TACC2: variants seen among roughly 807,000 people sequenced by gnomAD.
The protein encoded by TACC2 is transforming acidic coiled-coil-containing protein 2.
TACC2 carries 137 observed loss-of-function variants against 227.3 expected under a neutral mutation model. That is an observed-to-expected ratio of 0.60 (90% CI 0.52 to 0.69). The LOEUF (loss-of-function observed/expected upper bound fraction) is 0.69. TACC2 is among the 30% of genes least tolerant of loss of function. The pLI is 0.00. For missense variants in TACC2, 3,470 were observed against 3,694.4 expected, an observed-to-expected ratio of 0.94 and a Z score of 1.57; for synonymous variants, 1,523 against 1,487.5, an observed-to-expected ratio of 1.02 and a Z score of -0.55.
chr10:122,083,709 G>T lies in TACC2; in HGVS notation c.1209G>T (p.Val403=). ...GCCAGCCCGAAGGGGGTTTGCCTGT[G>T]AGCCCTGAACCTTCCCTGCTCACTC... ...AGGQPEGGLP[V]SPEPSLLTPT... is the part of the protein sequence containing the mutation. The change falls in exon 4 of 23, where the codon GTG becomes GTT. Residue 403 remains valine, a synonymous_variant. Coordinates refer to ENST00000369005, the MANE Select transcript of TACC2 (RefSeq NM_206862.4). 1 of 1,613,626 alleles carries T rather than the reference G, an allele frequency of 6.2e-7. No individual in the cohort carries two copies. Among genetic ancestry groups the T allele is most frequent in the Non-Finnish European group, 8.5e-7 (1 of 1,180,040 alleles).
At chr10:122,250,128 G>A (rs2096223842) in intron 22 of TACC2, among the ~76,000 whole-genome samples, 2 of 152,184 alleles carry the variant, frequency 1.3e-5, no homozygotes, top group Admixed American at 6.5e-5. Context: ...TCTTCCCGAG[G>A]ACACTGAGCT....
intron 2 of TACC2, among the ~76,000 whole-genome samples, chr10:122,044,671 AG>A (rs1316734903): frequency 7.0e-6 from 1 of 143,288 alleles, no homozygotes; most frequent in African/African-American, 2.6e-5. Flanking sequence ...AGCGTTTAAG[AG>A]GTAAGTGGAA....
chr10:122,024,925 C>T (rs1035057847), intron 2 of TACC2, among the ~76,000 whole-genome samples: 32 of 152,146 alleles, frequency 2.1e-4, no homozygotes, highest in African/African-American at 4.8e-5. Context: ...CTAAGATAAA[C>T]GCCCAAGTGT....
intron 1 of TACC2, among the ~76,000 whole-genome samples, chr10:121,996,309 A>ACCTC (rs2134935897): frequency 6.6e-6 from 1 of 151,024 alleles, no homozygotes; most frequent in South Asian, 2.1e-4. Context: ...TCCTGCCTCG[A>ACCTC]CCTCCCACAG....
At chr10:122,069,619 C>T (rs1381697594) in intron 3 of TACC2, among the ~76,000 whole-genome samples, 1 of 152,124 alleles carries the variant, frequency 6.6e-6, no homozygotes, top group Non-Finnish European at 1.5e-5. Flanking sequence ...CTCCATTAGC[C>T]CAACCCTTCT....
At chr10:122,231,219 C>T (rs1197150524) in intron 16 of TACC2, among the ~76,000 whole-genome samples, 1 of 152,162 alleles carries the variant, frequency 6.6e-6, no homozygotes, top group Non-Finnish European at 1.5e-5. Flanking sequence ...GAATGAGTTG[C>T]TGATGACGTG....
intron 7 of TACC2, chr10:122,163,923 G>A: frequency 6.4e-7 from 1 of 1,574,560 alleles, no homozygotes; most frequent in Non-Finnish European, 8.6e-7. Context: ...GGCACAGCGA[G>A]GATGGGAGGG....
At chr10:122,229,212 C>A (rs1035706160) in intron 14 of TACC2, 134 bp from the exon 15 acceptor site, 10 of 948,816 alleles carry the variant, frequency 1.1e-5, no homozygotes, top group Non-Finnish European at 1.6e-5. Flanking sequence ...CAAGTAATGG[C>A]AGCTAATTGA....
intron 3 of TACC2, among the ~76,000 whole-genome samples, chr10:122,075,197 A>AG (rs1274010271): frequency 1.7e-4 from 20 of 115,386 alleles, no homozygotes; most frequent in African/African-American, 4.9e-4. Flanking sequence ...CCAAAAAAAA[A>AG]AAAAAAGAAA....
chr10:122,059,843 G>A (rs905756001), intron 3 of TACC2, among the ~76,000 whole-genome samples: 1 of 152,152 alleles, frequency 6.6e-6, no homozygotes, highest in Non-Finnish European at 1.5e-5. Flanking sequence ...TGGGGTTCTG[G>A]CCCAGTGGTC....
chr10:122,087,672 G>C lies in TACC2; in HGVS notation c.5172G>C (p.Leu1724=), dbSNP rs754253084. 1.2e-6 allele frequency: 2 copies of C among 1,613,232 alleles called. No homozygotes were observed. The highest frequency in any genetic ancestry group is 1.7e-6 in the Non-Finnish European group (2 of 1,179,986). The change falls in exon 4 of 23, where the codon CTG becomes CTC. Residue 1724 remains leucine, a synonymous_variant. Transcript: ENST00000369005. The part of the protein sequence containing the change: ...AETQACASGD[L]PEAGTTRTFS... ...CACAGGCATGTGCGTCCGGTGATCT[G>C]CCTGAAGCAGGTACTACGAGGACAT...
At chr10:122,034,401 C>G (rs1959539987) in intron 2 of TACC2, among the ~76,000 whole-genome samples, 1 of 152,098 alleles carries the variant, frequency 6.6e-6, no homozygotes, top group South Asian at 2.1e-4. Context: ...GAAGGATAAT[C>G]ATCCCAGGTC....
chr10:122,172,695 C>T (rs1277310452), intron 7 of TACC2, among the ~76,000 whole-genome samples: 1 of 152,216 alleles, frequency 6.6e-6, no homozygotes, highest in African/African-American at 2.4e-5. Flanking sequence ...CTGCCCATTG[C>T]CTTTCATGAA....
intron 7 of TACC2, among the ~76,000 whole-genome samples, chr10:122,192,124 C>A (rs555472489): frequency 6.6e-6 from 1 of 152,278 alleles, no homozygotes; most frequent in Non-Finnish European, 1.5e-5. Flanking sequence ...AATATGAAAA[C>A]AAGACAGGCA....
intron 1 of TACC2, among the ~76,000 whole-genome samples, chr10:121,999,779 TAGATAGAGGAAAAACGAC>T (rs1954042978): frequency 7.0e-6 from 1 of 143,462 alleles, no homozygotes; most frequent in South Asian, 2.1e-4. Flanking sequence ...AGCTATTAAA[TAGATAGAGGAAAAACGAC>T]AGAGGAAAAA....
intron 16 of TACC2, among the ~76,000 whole-genome samples, chr10:122,231,458 G>A (rs779188418): frequency 1.1e-4 from 16 of 152,354 alleles, no homozygotes; most frequent in Middle Eastern, 3.4e-3. Context: ...GATGACAGAT[G>A]TCTGGTGTGC....
chr10:122,230,631 G>A (rs1020176008), intron 16 of TACC2, among the ~76,000 whole-genome samples, 191 bp downstream of exon 16: 38 of 152,350 alleles, frequency 2.5e-4, no homozygotes, highest in African/African-American at 8.7e-4. Context: ...CATTTAAGTC[G>A]ATAATGCTAA....
intron 7 of TACC2, among the ~76,000 whole-genome samples, chr10:122,191,693 T>C (rs981643893): frequency 6.6e-6 from 1 of 152,254 alleles, no homozygotes; most frequent in Non-Finnish European, 1.5e-5. Flanking sequence ...ACTTCTGTGG[T>C]GGACATAGCA....
intron 9 of TACC2, chr10:122,213,273 G>A: frequency 6.6e-7 from 1 of 1,518,946 alleles, no homozygotes; most frequent in Non-Finnish European, 9.1e-7. Flanking sequence ...ATAACCAGTT[G>A]TCTGCAGATT....
Sources: gnomAD v4.1 joint callset for allele counts (sites outside exome capture counted in the v4.1 genomes callset) on GRCh38, gnomAD v4.1.1 for gene constraint, MANE v1.5 for transcripts, NCBI Gene and HGNC (gene_info 2026-07-23, HGNC 2026-07-21) for gene names.